Variants in RALGPS2 observed in about 807,000 individuals in gnomAD.
The protein encoded by RALGPS2 is Ral GEF with PH domain and SH3 binding motif 2, also known as ras-specific guanine nucleotide-releasing factor RalGPS2.
RALGPS2 carries 43 observed loss-of-function variants against 86.8 expected under a neutral mutation model. The ratio of observed to expected loss-of-function variants is 0.50; its 90% CI spans 0.39 to 0.64. The LOEUF is 0.64. Ranked by LOEUF, RALGPS2 falls within the 30% of genes least tolerant of loss-of-function variation. The pLI, the probability that RALGPS2 is intolerant of heterozygous loss-of-function variation, is 0.00. For synonymous variants in RALGPS2, 243 were observed against 231.3 expected (o/e 1.05, Z -0.46); for missense variants, 536 against 694.6 (o/e 0.77, Z 2.57).
At chr1:178,743,868 CA>C (rs796763104) in intron 1 of RALGPS2, among the ~76,000 whole-genome samples, 1 of 150,484 alleles carries the variant, frequency 6.6e-6, no homozygotes, top group African/African-American at 2.4e-5. Context: ...ATTTCCACAC[CA>C]AAAAAAAACC....
intron 14 of RALGPS2, among the ~76,000 whole-genome samples, chr1:178,890,913 G>T (rs1572455409): frequency 6.6e-6 from 1 of 151,942 alleles, no homozygotes; most frequent in East Asian, 1.9e-4. Context: ...AATTGCCTTT[G>T]ACATGTTGTC....
intron 1 of RALGPS2, among the ~76,000 whole-genome samples, chr1:178,748,546 T>C (rs7554412): frequency 0.012 from 1,826 of 152,078 alleles, 54 homozygotes; most frequent in African/African-American, 0.042. Context: ...AAAATAATTA[T>C]GCAGAGCAAA....
chr1:178,830,081 T>C lies in RALGPS2; in HGVS notation c.481-3343T>C, dbSNP rs74765057. ...ATCTTAAATGTTCTTACCATACAAA[T>C]ACATAAGAAGTAACTAACTTTGTGA... On this transcript the variant is annotated intron_variant, in intron 7 of 19. Transcript: ENST00000367635. 5.5e-3 allele frequency among the ~76,000 whole-genome samples: 835 copies of C among 152,268 alleles called. 7 individuals carry two copies. Among genetic ancestry groups the C allele is most frequent in the Non-Finnish European group, 6.6e-3 (452 of 68,016 alleles).
At chr1:178,906,374 CAAAA>C in intron 18 of RALGPS2, among the ~76,000 whole-genome samples, 1 of 136,394 alleles carries the variant, frequency 7.3e-6, no homozygotes, top group African/African-American at 2.7e-5. Context: ...GACTCCATCT[CAAAA>C]AAAAAAAAAT....
chr1:178,747,051 CA>C, intron 1 of RALGPS2: 1 of 873,952 alleles, frequency 1.1e-6, no homozygotes. Flanking sequence ...ATGAGAATCT[CA>C]GTTGATCTGG....
chr1:178,890,100 A>G (rs1326645183), intron 14 of RALGPS2, among the ~76,000 whole-genome samples: 1 of 151,968 alleles, frequency 6.6e-6, no homozygotes, highest in Admixed American at 6.6e-5. Context: ...ATGATTTAAT[A>G]AATTTTAAAT....
intron 8 of RALGPS2, among the ~76,000 whole-genome samples, chr1:178,862,338 T>G (rs2102327047): frequency 1.3e-5 from 2 of 152,266 alleles, no homozygotes; most frequent in East Asian, 3.9e-4. Context: ...TATAAAAATG[T>G]CACCAAATCA....
chr1:178,845,638 T>A (rs1344212400), intron 8 of RALGPS2, among the ~76,000 whole-genome samples: 2 of 152,252 alleles, frequency 1.3e-5, no homozygotes, highest in African/African-American at 2.4e-5. Flanking sequence ...TAAATGTATT[T>A]GTGTGGCATA....
At chr1:178,830,176 A>G (rs1273004702) in intron 7 of RALGPS2, among the ~76,000 whole-genome samples, 1 of 152,234 alleles carries the variant, frequency 6.6e-6, no homozygotes, top group Non-Finnish European at 1.5e-5. Context: ...TAAAACATGT[A>G]CACCTCAAGT....
At chr1:178,892,208 A>C (rs1255593088) in intron 14 of RALGPS2, 22 bp from the exon 15 acceptor site, 22 of 1,600,678 alleles carry the variant, frequency 1.4e-5, no homozygotes, top group Non-Finnish European at 1.5e-5. Flanking sequence ...TAATATATAC[A>C]ATTTATAATG....
At chr1:178,828,365 A>G (rs559241974) in intron 7 of RALGPS2, among the ~76,000 whole-genome samples, 5 of 152,214 alleles carry the variant, frequency 3.3e-5, no homozygotes, top group African/African-American at 7.2e-5. Context: ...GGTACAGCCT[A>G]TTGCTTCTAG....
intron 4 of RALGPS2, among the ~76,000 whole-genome samples, chr1:178,803,287 T>G (rs2102178267): frequency 6.6e-6 from 1 of 152,346 alleles, no homozygotes; most frequent in Admixed American, 6.5e-5. Context: ...CAGCCTTTTG[T>G]GTAAAGGTCT....
intron 10 of RALGPS2, chr1:178,879,834 T>G (rs565940211): frequency 1.3e-5 from 2 of 149,106 alleles, no homozygotes; most frequent in East Asian, 3.9e-4. Flanking sequence ...ATTTTTAAAA[T>G]AGCTGATATC....
rs76863440 is a variant in RALGPS2 at position 178,856,447 on chromosome 1, A to G, written c.608-21051A>G. Among the ~76,000 whole-genome samples, 102 of 101,330 alleles carry G rather than the reference A, an allele frequency of 1.0e-3. 2 individuals carry two copies. The East Asian group carries it at 0.026, about 26-fold the overall frequency. The allele number at this position is 101,330 out of a possible 152,430, so 66.5% of individuals were successfully genotyped here. On this transcript the variant is annotated intron_variant, in intron 8 of 19. Transcript: ENST00000367635. Reference sequence around the variant, plus strand: ...TTTTTGAGAGATGAGGTCTTGGTACATTGCCCAGGGTGGTCTTGAACTCCA... The same window carrying G: ...TTTTTGAGAGATGAGGTCTTGGTACGTTGCCCAGGGTGGTCTTGAACTCCA...
At chr1:178,757,658 A>G (rs1014031272) in intron 1 of RALGPS2, among the ~76,000 whole-genome samples, 3 of 152,178 alleles carry the variant, frequency 2.0e-5, no homozygotes, top group African/African-American at 7.2e-5. Flanking sequence ...ATCATGGTGA[A>G]TTAACTTTTT....
chr1:178,786,708 A>G (rs1653669149), intron 4 of RALGPS2, among the ~76,000 whole-genome samples: 1 of 151,938 alleles, frequency 6.6e-6, no homozygotes, highest in Admixed American at 6.6e-5. Context: ...AAACAAAGTC[A>G]TTGATAATCC....
At chr1:178,818,473 CAG>C (rs1339241893) in intron 6 of RALGPS2, among the ~76,000 whole-genome samples, 3 of 152,322 alleles carry the variant, frequency 2.0e-5, no homozygotes, top group Non-Finnish European at 4.4e-5. Flanking sequence ...ACAAATGACT[CAG>C]GGCAAAATCT....
At chr1:178,782,558 A>G (rs561662814) in intron 2 of RALGPS2, among the ~76,000 whole-genome samples, 3 of 152,206 alleles carry the variant, frequency 2.0e-5, no homozygotes, top group Non-Finnish European at 2.9e-5. Flanking sequence ...AGGGGGACAG[A>G]GAAGCATTTG....
At chr1:178,871,716 C>G (rs1156723890) in intron 8 of RALGPS2, among the ~76,000 whole-genome samples, 1 of 152,108 alleles carries the variant, frequency 6.6e-6, no homozygotes, top group Non-Finnish European at 1.5e-5. Context: ...TCCTCCTATT[C>G]TACAAAATGA....
Sources: allele counts gnomAD v4.1 joint callset (sites outside exome capture counted in the v4.1 genomes callset), GRCh38; gene constraint gnomAD v4.1.1; transcripts MANE v1.5; gene names NCBI Gene and HGNC (gene_info 2026-07-23, HGNC 2026-07-21).